MACROH2A2: variants seen among roughly 807,000 people sequenced by gnomAD.
The protein encoded by MACROH2A2 is core histone macro-H2A.2.
A neutral mutation model predicts 37.6 loss-of-function variants in MACROH2A2; 6 were observed. The ratio of observed to expected loss-of-function variants is 0.16; its 90% CI spans 0.09 to 0.32. MACROH2A2 has a LOEUF of 0.32. Among genes scored for constraint, MACROH2A2 ranks in the 10% least tolerant of loss-of-function variants. MACROH2A2 has a pLI of 1.00. For synonymous variants in MACROH2A2, 192 were observed against 202.7 expected, an observed-to-expected ratio of 0.95 and a Z score of 0.45; for missense variants, 290 against 485.9, an observed-to-expected ratio of 0.60 and a Z score of 3.79.
At chr10:70,079,916 C>T (rs532068089) in intron 2 of MACROH2A2, among the ~76,000 whole-genome samples, 1 of 152,238 alleles carries the variant, frequency 6.6e-6, no homozygotes, top group Admixed American at 6.5e-5. Flanking sequence ...TCTCTCAGGC[C>T]ACACTGCCAT....
rs1046047519 is a variant in MACROH2A2, at chr10:70,079,571, A to G, written c.172+3741A>G. ...AGGGTTCGCGCGCGCGCGCGCACAC[A>G]CACACACACACACACACACACACAC... On this transcript the variant is annotated intron_variant, in intron 2 of 8. Transcript: ENST00000373255. 6.8e-3 allele frequency among the ~76,000 whole-genome samples: 990 copies of G among 145,956 alleles called. 5 individuals are homozygous for G. The highest frequency in any genetic ancestry group is 0.033 in the East Asian group (153 of 4,666).
intron 2 of MACROH2A2, among the ~76,000 whole-genome samples, chr10:70,076,981 C>CCT (rs1177549443): frequency 6.9e-6 from 1 of 144,608 alleles, no homozygotes; most frequent in Non-Finnish European, 1.5e-5. Context: ...ACCAGGCAGA[C>CCT]CTCTGCATCA....
At chr10:70,079,067 A>G (rs1346194355) in intron 2 of MACROH2A2, among the ~76,000 whole-genome samples, 2 of 152,138 alleles carry the variant, frequency 1.3e-5, no homozygotes, top group Non-Finnish European at 2.9e-5. Context: ...AGTGAGGAGG[A>G]CAAGAAGGAA....
At chr10:70,106,465 C>T (rs183143073) in intron 7 of MACROH2A2, among the ~76,000 whole-genome samples, 1 of 152,180 alleles carries the variant, frequency 6.6e-6, no homozygotes, top group Non-Finnish European at 1.5e-5. Context: ...TCATTTTTTA[C>T]TTGATTGGAT....
chr10:70,097,236 G>A (rs2072281448), intron 6 of MACROH2A2, among the ~76,000 whole-genome samples: 1 of 152,106 alleles, frequency 6.6e-6, no homozygotes, highest in East Asian at 1.9e-4. Flanking sequence ...GACTGTCCCA[G>A]CTTTTCTGAA....
At chr10:70,102,302 GAAAC>G (rs1462947648) in intron 7 of MACROH2A2, among the ~76,000 whole-genome samples, 1 of 152,230 alleles carries the variant, frequency 6.6e-6, no homozygotes, top group Non-Finnish European at 1.5e-5. Context: ...TGGGAGGAGA[GAAAC>G]AGCAGCCAAG....
At chr10:70,090,925 G>A (rs1418180336) in intron 3 of MACROH2A2, among the ~76,000 whole-genome samples, 2 of 152,232 alleles carry the variant, frequency 1.3e-5, no homozygotes, top group African/African-American at 4.8e-5. Context: ...CATGCTTGGG[G>A]TAGTGTTGGT....
intron 1 of MACROH2A2, among the ~76,000 whole-genome samples, chr10:70,069,460 T>C (rs1447042853): frequency 1.3e-5 from 2 of 152,154 alleles, no homozygotes; most frequent in African/African-American, 4.8e-5. Context: ...GACAGGTACA[T>C]TGCAGATTCA....
At chr10:70,094,753 A>G (rs2072264824) in intron 5 of MACROH2A2, among the ~76,000 whole-genome samples, 1 of 152,190 alleles carries the variant, frequency 6.6e-6, no homozygotes, top group African/African-American at 2.4e-5. Flanking sequence ...AACAATAGAG[A>G]ATGCCCTCCA....
At position 70,095,750 on chromosome 10, in the gene MACROH2A2, A is replaced by G. The variant is rs765460062; in HGVS notation, c.685A>G (p.Ile229Val). The G allele has an allele frequency of 1.3e-6, 2 of 1,494,204 alleles. No individual in the cohort carries two copies. The highest frequency in any genetic ancestry group is 2.3e-5 in the South Asian group (2 of 88,762). The allele number at this position is 1,494,204 out of a possible 1,614,324, so 92.6% of individuals were successfully genotyped here. Reference protein sequence around the residue: ...TTAEIDLKEDIGKALEKAGGK... With the variant: ...TTAEIDLKEDVGKALEKAGGK... ...AGCCGAAATTGACCTCAAAGAAGAT[A>G]TAGGTAAGGTCCTGAGACTTCAGTA... is the stretch of plus-strand genomic sequence containing the variant. The change falls in exon 6 of 9, where the codon ATA becomes GTA. Residue 229 changes from isoleucine to valine, a missense_variant. Physicochemically the swap from Ile to Val is conservative, Grantham distance 29. Around this residue, in one of 3 missense-constraint regions of MACROH2A2, gnomAD observed 130 missense variants for 257.1 expected, o/e 0.51. Transcript: ENST00000373255.
At chr10:70,090,833 G>A (rs1184951480) in intron 3 of MACROH2A2, among the ~76,000 whole-genome samples, 2 of 152,244 alleles carry the variant, frequency 1.3e-5, no homozygotes, top group South Asian at 2.1e-4. Flanking sequence ...TCAGTTTGCT[G>A]TGAAAGTTTC....
intron 8 of MACROH2A2, among the ~76,000 whole-genome samples, chr10:70,110,746 T>C (rs755358854): frequency 2.0e-5 from 3 of 151,716 alleles, no homozygotes; most frequent in Non-Finnish European, 2.9e-5. Flanking sequence ...AAAAATTTTT[T>C]TATAGGCACA....
chr10:70,098,817 C>T (rs866175058), intron 6 of MACROH2A2: 3 of 152,460 alleles, frequency 2.0e-5, no homozygotes, highest in African/African-American at 7.2e-5. Flanking sequence ...TTCCGCCATT[C>T]GTTAGGAGTT....
In MACROH2A2 at chr10:70,107,704, G is replaced by A. The variant is rs75479666; in HGVS notation, c.779-1329G>A. 0.032 allele frequency among the ~76,000 whole-genome samples: 4,919 copies of A among 152,308 alleles called. 262 individuals are homozygous for A. Among genetic ancestry groups the A allele is most frequent in the East Asian group, 0.19 (1,003 of 5,178 alleles). ...TGTGAGACAAGGCTGGCCTAATTCA[G>A]TTTCACAGCCCGCTTTTGAAACCCC... On this transcript the variant is annotated intron_variant, in intron 7 of 8. Transcript: ENST00000373255. This position sits in a 1 kb window ranked among gnomAD's most constrained non-coding sequence, Gnocchi z 4.4.
In MACROH2A2 at chr10:70,091,830, G is replaced by A. The variant is rs571470231; in HGVS notation, c.353G>A (p.Arg118Gln). ...CACCCCGAACTGCTGGCCAAAAAGCGAGGGACCAAAGGCAAGTCGGAAACG... is the reference window on the plus strand; with the variant it reads ...CACCCCGAACTGCTGGCCAAAAAGCAAGGGACCAAAGGCAAGTCGGAAACG... ...RIHPELLAKK[R>Q]GTKGKSETIL... Residue 118 changes from arginine to glutamine, a missense_variant, in exon 4 of 9, where the codon CGA (arginine) becomes CAA (glutamine). By Grantham distance (43) the Arg-to-Gln change is conservative (BLOSUM62 1). Around this residue, in one of 3 missense-constraint regions of MACROH2A2, gnomAD observed 83 missense variants for 159.9 expected, o/e 0.52. Transcript: ENST00000373255. 1.1e-5 allele frequency: 18 copies of A among 1,614,104 alleles called. No homozygotes were observed. Among genetic ancestry groups the A allele is most frequent in the African/African-American group, 6.7e-5 (5 of 75,022 alleles).
At chr10:70,088,968 G>A (rs1320871867) in intron 2 of MACROH2A2, among the ~76,000 whole-genome samples, 1 of 152,224 alleles carries the variant, frequency 6.6e-6, no homozygotes, top group African/African-American at 2.4e-5. Context: ...GCCAGGTGTG[G>A]TGGTGTGCGC....
intron 1 of MACROH2A2, among the ~76,000 whole-genome samples, chr10:70,065,217 C>T (rs1180957790): frequency 6.6e-6 from 1 of 151,942 alleles, no homozygotes; most frequent in African/African-American, 2.4e-5. Flanking sequence ...GCTGGGATTA[C>T]AGGCACGCAC....
intron 2 of MACROH2A2, among the ~76,000 whole-genome samples, chr10:70,086,271 G>A (rs566987145): frequency 1.4e-5 from 2 of 141,952 alleles, no homozygotes; most frequent in Non-Finnish European, 3.0e-5. Flanking sequence ...TTTCTGTGAT[G>A]TATTATCTTT....
intron 1 of MACROH2A2, among the ~76,000 whole-genome samples, chr10:70,056,585 A>G (rs1414848193): frequency 6.6e-6 from 1 of 152,248 alleles, no homozygotes; most frequent in Non-Finnish European, 1.5e-5. Flanking sequence ...AGTAGTTTGT[A>G]AAGGGAGAAG....
Sources: gnomAD v4.1 joint callset for allele counts (sites outside exome capture counted in the v4.1 genomes callset) on GRCh38, gnomAD v4.1.1 for gene constraint, gnomAD v4.1.1 regional missense constraint, Gnocchi (gnomAD v3.1) non-coding constraint, MANE v1.5 for transcripts, NCBI Gene and HGNC (gene_info 2026-07-23, HGNC 2026-07-21) for gene names.